RNF40: variants seen among roughly 807,000 people sequenced by gnomAD.
RNF40 encodes the protein ring finger protein 40.
In RNF40, 39 loss-of-function variants were observed where a neutral mutation model predicts 123.3. The observed-to-expected ratio is 0.32, with a 90% CI of 0.24 to 0.41. The LOEUF (loss-of-function observed/expected upper bound fraction) is 0.41, where lower values mean the gene tolerates loss of function less well. RNF40 is among the 10% of genes least tolerant of loss of function. The pLI, the probability that RNF40 is intolerant of heterozygous loss-of-function variation, is 1.00. For synonymous variants in RNF40, 538 were observed against 526.0 expected, an observed-to-expected ratio of 1.02 and a Z score of -0.31; for missense variants, 1,003 against 1,319.9, an observed-to-expected ratio of 0.76 and a Z score of 3.72.
rs372033954 is a variant in RNF40, at chr16:30,769,406, C to T, written c.2460+8C>T. ...CTTGGCCTCAAGTCCCAGGTATGGC[C>T]GCCGCCAGCTTGCAGACTGGAGCTG... On this transcript the variant is annotated splice_region_variant and intron_variant, in intron 16 of 19. Coordinates refer to ENST00000324685, the MANE Select transcript of RNF40 (RefSeq NM_014771.4). The T allele has an allele frequency of 2.7e-5, 43 of 1,614,052 alleles. No homozygotes were observed. Among genetic ancestry groups the T allele is most frequent in the Admixed American group, 2.3e-4 (14 of 59,998 alleles).
In RNF40 at chr16:30,768,271, A is replaced by G. The variant is rs1451152442; in HGVS notation, c.1720A>G (p.Thr574Ala). 1 of 1,613,918 alleles carries G rather than the reference A, an allele frequency of 6.2e-7. No homozygotes were observed. Residue 574 changes from threonine to alanine, a missense_variant, in exon 13 of 20, where the codon ACC becomes GCC. Physicochemically the swap from Thr to Ala is moderately conservative, Grantham distance 58. Around this residue, in one of 11 missense-constraint regions of RNF40, gnomAD observed 295 missense variants for 331.7 expected, o/e 0.89. Transcript: ENST00000324685. The surrounding 1 kb of genome is among the most constrained non-coding windows in gnomAD (Gnocchi z 4.1). ...MAPVPGTTTT[T>A]TSVKKEELVP... ...TCCAGTGCCTGGCACCACCACTACTACCACTTCAGTGAAGAAGGAGGAGCT... is the reference window on the plus strand; with the variant it reads ...TCCAGTGCCTGGCACCACCACTACTGCCACTTCAGTGAAGAAGGAGGAGCT...
chr16:30,769,555 G>A lies in RNF40; in HGVS notation c.2541G>A (p.Lys847=). 6.2e-7 allele frequency: 1 copy of A among 1,610,840 alleles called. No individual in the cohort carries two copies. The highest frequency in any genetic ancestry group is 8.5e-7 in the Non-Finnish European group (1 of 1,178,502). The stretch of plus-strand genomic sequence containing the variant: ...AGGGCAGCCTCGGGGGTGTGGAGAA[G>A]GAGCTGACGCTGCGCAGCCAAGCCC... ...ALQGSLGGVE[K]ELTLRSQALE... The change falls in exon 17 of 20, where the codon AAG becomes AAA. Residue 847 remains lysine (K), a synonymous_variant. Coordinates refer to ENST00000324685, the MANE Select transcript of RNF40 (RefSeq NM_014771.4).
Position 30,769,543 on chromosome 16 carries a change from G to A in RNF40, c.2529G>A (p.Gly843=). The A allele has an allele frequency of 6.2e-7, 1 of 1,612,122 alleles. No homozygotes were observed. The highest frequency in any genetic ancestry group is 8.5e-7 in the Non-Finnish European group (1 of 1,178,924). Residue 843 remains glycine, a synonymous_variant, in exon 17 of 20, where the codon GGG becomes GGA. Coordinates refer to ENST00000324685, the MANE Select transcript of RNF40 (RefSeq NM_014771.4). The part of the protein sequence containing the change: ...EKERALQGSL[G]GVEKELTLRS... ...AGCGAGCCTTGCAGGGCAGCCTCGG[G>A]GGTGTGGAGAAGGAGCTGACGCTGC...
chr16:30,764,488 A>G (rs2053991695), intron 5 of RNF40, 103 bp downstream of exon 5: 2 of 1,003,888 alleles, frequency 2.0e-6, no homozygotes, highest in Admixed American at 2.5e-5. Flanking sequence ...GGCGGCCAGA[A>G]TTTCCCAAGG....
rs754677642 is a variant in RNF40, at chr16:30,769,445, C to T, written c.2461-30C>T. The T allele has an allele frequency of 5.0e-6, 8 of 1,613,984 alleles. No individual in the cohort carries two copies. In the East Asian group the frequency reaches 8.9e-5, roughly 18 times the overall value. ...AGACTGGAGCTGGAGAGGTGGGGGT[C>T]ATGGCCCTGAGTCCTCCTCTGGTCC... On this transcript the variant is annotated intron_variant, in intron 16 of 19. Coordinates refer to ENST00000324685, the MANE Select transcript of RNF40 (RefSeq NM_014771.4).
chr16:30,774,537 T>G lies in RNF40; in HGVS notation c.*423T>G, dbSNP rs913430095. On this transcript the variant is annotated 3_prime_UTR_variant, in exon 20 of 20. Coordinates refer to ENST00000324685, the MANE Select transcript of RNF40 (RefSeq NM_014771.4). ...AAATGAGGACCAGTGAGCCATGTCCTTGTTCCTTGTTTGAGACTGGGCTGC... is the reference window on the plus strand; with the variant it reads ...AAATGAGGACCAGTGAGCCATGTCCGTGTTCCTTGTTTGAGACTGGGCTGC... The G allele has an allele frequency of 1.3e-5, 3 of 223,218 alleles. No individual in the cohort carries two copies. Among genetic ancestry groups the G allele is most frequent in the African/African-American group, 6.9e-5 (3 of 43,682 alleles). The allele number at this position is 223,218 out of a possible 1,614,324, so 13.8% of individuals were successfully genotyped here.
chr16:30,769,758 C>T (rs1391302316), intron 17 of RNF40, among the ~76,000 whole-genome samples, 158 bp downstream of exon 17: 3 of 152,222 alleles, frequency 2.0e-5, no homozygotes, highest in Non-Finnish European at 2.9e-5. Context: ...AGACCACATG[C>T]TGAGTACTTG....
At position 30,766,415 on chromosome 16, in the gene RNF40, G is replaced by A. The variant is rs1445890110; in HGVS notation, c.1150G>A (p.Glu384Lys). ...LRSLPEEVVR[E>K]TGEYRMLQAQ... is the part of the protein sequence containing the mutation. ...GAGCCTTCCTGAGGAGGTAGTGCGG[G>A]AGACGGGGGAGTACCGCATGCTGCA... Residue 384 changes from glutamate (E) to lysine (K), a missense_variant, in exon 10 of 20, where the codon GAG becomes AAG. Transcript: ENST00000324685. The surrounding 1 kb of genome is among the most constrained non-coding windows in gnomAD (Gnocchi z 5.4). The A allele has an allele frequency of 2.5e-6, 4 of 1,613,714 alleles. No homozygotes were observed. The highest frequency in any genetic ancestry group is 2.7e-5 in the African/African-American group (2 of 74,930).
rs1424534138 is a variant in RNF40, at chr16:30,769,490, C to A, written c.2476C>A (p.Leu826Met). 2 of 1,613,830 alleles carry A rather than the reference C, an allele frequency of 1.2e-6. No individual in the cohort carries two copies. The highest frequency in any genetic ancestry group is 2.2e-5 in the South Asian group (2 of 91,052). ...TGGTCCTTAGGTGGATGCCCAGCTG[C>A]TGACTGTGCAGAAGCTAGAGGAGAA... ...GLKSQVDAQL[L>M]TVQKLEEKER... Residue 826 changes from leucine (L) to methionine (M), a missense_variant, in exon 17 of 20, where the codon CTG (leucine) becomes ATG (methionine). By Grantham distance (15) the Leu-to-Met change is conservative. Around this residue, in one of 11 missense-constraint regions of RNF40, gnomAD observed 121 missense variants for 125.3 expected, o/e 0.97. Transcript: ENST00000324685.
At chr16:30,761,787 C>T (rs2053828220), upstream of RNF40, 4 of 1,488,794 alleles carry the variant, frequency 2.7e-6, no homozygotes, top group South Asian at 1.3e-5. Context: ...CCCGGGCTCC[C>T]GCCGCCTAGG....
chr16:30,774,190 A>C lies in RNF40; in HGVS notation c.*76A>C. 1 of 1,467,748 alleles carries C rather than the reference A, an allele frequency of 6.8e-7. No individual in the cohort carries two copies. The highest frequency in any genetic ancestry group is 9.2e-7 in the Non-Finnish European group (1 of 1,088,032). 90.9% of individuals were successfully genotyped at this position (1,467,748 alleles called of 1,614,324 possible). A position where few individuals can be genotyped will look rare whatever the true frequency, so the allele number is the denominator to read the frequency against. On this transcript the variant is annotated 3_prime_UTR_variant, in exon 20 of 20. Transcript: ENST00000324685. ...CCCATCTCCTCCCCACCCCAGGTCT[A>C]GTGGCCCCACCCTCCATTCCGGACC...
Position 30,772,133 on chromosome 16 carries a change from G to T in RNF40, c.2772G>T (p.Lys924Asn). ...GGCGCAAGCTGGAAAAGCAGAGGAAGGTGGAGGTCTACGCAGATGCCGACG... is the reference window on the plus strand; with the variant it reads ...GGCGCAAGCTGGAAAAGCAGAGGAATGTGGAGGTCTACGCAGATGCCGACG... Reference protein sequence around the residue: ...RLRRKLEKQRKVEVYADADEI... With the variant: ...RLRRKLEKQRNVEVYADADEI... The change falls in exon 19 of 20, where the codon AAG (lysine) becomes AAT (asparagine). Residue 924 changes from lysine to asparagine, a missense_variant. Transcript: ENST00000324685. The T allele has an allele frequency of 6.4e-7, 1 of 1,555,754 alleles. No individual in the cohort carries two copies. Among genetic ancestry groups the T allele is most frequent in the East Asian group, 2.4e-5 (1 of 41,128 alleles).
chr16:30,765,237 G>C lies in RNF40; in HGVS notation c.828G>C (p.Glu276Asp), dbSNP rs1166771024. ...CAGAGACCAAGGTGCTGGAGATGGA[G>C]ACAACAGTGGAGGACTTGCAGTGGG... ...TSAETKVLEM[E>D]TTVEDLQWDI... The change falls in exon 7 of 20, where the codon GAG (glutamate) becomes GAC (aspartate). Residue 276 changes from glutamate to aspartate, a missense_variant. Around this residue, in one of 11 missense-constraint regions of RNF40, gnomAD observed 274 missense variants for 356.9 expected, o/e 0.77. Coordinates refer to ENST00000324685, the MANE Select transcript of RNF40 (RefSeq NM_014771.4). The C allele has an allele frequency of 4.3e-6, 7 of 1,614,124 alleles. No homozygotes were observed. Among genetic ancestry groups the C allele is most frequent in the Middle Eastern group, 1.6e-4 (1 of 6,084 alleles).
In RNF40 at chr16:30,775,398, T is replaced by G; in HGVS notation, c.*1284T>G. The G allele has an allele frequency of 5.1e-6, 1 of 194,290 alleles. No individual in the cohort carries two copies. The highest frequency in any genetic ancestry group is 8.3e-5 in the South Asian group (1 of 12,106). 12.0% of individuals were successfully genotyped at this position (194,290 alleles called of 1,614,324 possible). Reference sequence around the variant, plus strand: ...ACCGACCCCGGTCTGACCACGTCCTTGGCTGTCATGGCCGGGGGATGCCGG... The same window carrying G: ...ACCGACCCCGGTCTGACCACGTCCTGGGCTGTCATGGCCGGGGGATGCCGG... On this transcript the variant is annotated 3_prime_UTR_variant, in exon 20 of 20. Transcript: ENST00000324685.
At position 30,764,223 on chromosome 16, in the gene RNF40, T is replaced by C. The variant is rs1412431685; in HGVS notation, c.487T>C (p.Leu163=). ...GCGGCCCCCTCTCAGTGAGCCGGCC[T>C]TGGCTTTTGTGGTGGCACTGGGTGC... ...QLRPPLSEPA[L]AFVVALGASS... The change falls in exon 5 of 20, where the codon TTG becomes CTG. Residue 163 remains leucine, a synonymous_variant. Coordinates refer to ENST00000324685, the MANE Select transcript of RNF40 (RefSeq NM_014771.4). 3.1e-6 allele frequency: 5 copies of C among 1,612,330 alleles called. No individual in the cohort carries two copies. Among genetic ancestry groups the C allele is most frequent in the Non-Finnish European group, 4.2e-6 (5 of 1,179,172 alleles).
intron 5 of RNF40, 69 bp from the exon 6 acceptor site, chr16:30,764,869 C>T: frequency 1.3e-6 from 2 of 1,561,374 alleles, no homozygotes; most frequent in Admixed American, 1.9e-5. Context: ...ATATAGCAGA[C>T]TCCAGAATGA....
chr16:30,764,819 C>T (rs2053997786), intron 5 of RNF40, 119 bp from the exon 6 acceptor site: 1 of 1,416,040 alleles, frequency 7.1e-7, no homozygotes, highest in Non-Finnish European at 9.5e-7. Flanking sequence ...CTGGCTTTGT[C>T]ATGAGAAATG....
At chr16:30,765,832 A>C (rs2054019131) in intron 8 of RNF40, among the ~76,000 whole-genome samples, 1 of 152,246 alleles carries the variant, frequency 6.6e-6, no homozygotes, top group Admixed American at 6.5e-5. Flanking sequence ...CACAAAGATA[A>C]AGCACAGAAG....
intron 11 of RNF40, among the ~76,000 whole-genome samples, chr16:30,767,093 C>CTCA (rs1173307836): frequency 2.6e-5 from 4 of 152,338 alleles, no homozygotes; most frequent in Middle Eastern, 3.4e-3. Flanking sequence ...AGAGTCTGAG[C>CTCA]TGTCAGCCCT....
Sources: gnomAD v4.1 joint callset for allele counts (sites outside exome capture counted in the v4.1 genomes callset) on GRCh38, gnomAD v4.1.1 for gene constraint, gnomAD v4.1.1 regional missense constraint, Gnocchi (gnomAD v3.1) non-coding constraint, MANE v1.5 for transcripts, NCBI Gene and HGNC (gene_info 2026-07-23, HGNC 2026-07-21) for gene names.